The following ZNF611 variants were observed in gnomAD, a reference collection of about 807,000 sequenced individuals.
ZNF611 encodes the protein zinc finger protein 611.
ZNF611 carries 6 observed loss-of-function variants against 8.9 expected under a neutral mutation model. That is an observed-to-expected ratio of 0.68 (90% confidence interval 0.37 to 1.34). The LOEUF (loss-of-function observed/expected upper bound fraction) is 1.34. ZNF611 is among the 40% of genes most tolerant of loss of function. ZNF611 has a pLI of 0.02. For missense variants in ZNF611, 874 were observed against 841.3 expected, an observed-to-expected ratio of 1.04 and a Z score of -0.48; for synonymous variants, 262 against 279.7, an observed-to-expected ratio of 0.94 and a Z score of 0.63.
chr19:52,712,373 AT>A (rs1280388401), intron 5 of ZNF611, among the ~76,000 whole-genome samples: 3 of 143,502 alleles, frequency 2.1e-5, no homozygotes, highest in African/African-American at 7.7e-5. Context: ...ATCCCAGCTC[AT>A]TAGGAAGACG....
intron 2 of ZNF611, 88 bp downstream of exon 2, chr19:52,729,818 A>C (rs553983846): frequency 6.6e-6 from 1 of 152,324 alleles, no homozygotes; most frequent in Admixed American, 6.5e-5. Context: ...ACACAATATA[A>C]GAATTGAAAT....
At chr19:52,733,744 CT>C (rs1361982569) in intron 1 of ZNF611, among the ~76,000 whole-genome samples, 2 of 151,820 alleles carry the variant, frequency 1.3e-5, no homozygotes, top group African/African-American at 4.8e-5. Flanking sequence ...TCCTCTCCTG[CT>C]ATTCATCCCC....
At chr19:52,711,512 T>C (rs1322307094) in intron 5 of ZNF611, among the ~76,000 whole-genome samples, 3 of 152,114 alleles carry the variant, frequency 2.0e-5, no homozygotes, top group African/African-American at 7.2e-5. Flanking sequence ...GACATGTTCT[T>C]AGGCACAATA....
chr19:52,715,719 C>T (rs768286081), intron 4 of ZNF611, 113 bp downstream of exon 4: 31 of 1,516,786 alleles, frequency 2.0e-5, no homozygotes, highest in South Asian at 7.3e-5. Flanking sequence ...TGGGTGAGTG[C>T]GAGTGAACGT....
Position 52,709,650 on chromosome 19 carries a change from C to T in ZNF611, c.191-2786G>A, listed in dbSNP as rs544902734. ...TAGCGTGATCTAGGATCACCACAAC[C>T]ACCGCCTCGCAGGTTCAAGCGATTC... On this transcript the variant is annotated intron_variant, in intron 5 of 5. Coordinates refer to ENST00000652185, the MANE Select transcript of ZNF611 (RefSeq NM_001161499.2). 2.6e-5 allele frequency among the ~76,000 whole-genome samples: 4 copies of T among 151,874 alleles called. No homozygotes were observed. The East Asian group carries it at 7.8e-4, about 30-fold the overall frequency.
chr19:52,724,961 C>T (rs1017285244), intron 3 of ZNF611, among the ~76,000 whole-genome samples: 1 of 152,146 alleles, frequency 6.6e-6, no homozygotes, highest in Non-Finnish European at 1.5e-5. Context: ...GCAAATTTCT[C>T]ACCCATCCTC....
chr19:52,723,560 T>C (rs1056486375), intron 3 of ZNF611: 3 of 152,210 alleles, frequency 2.0e-5, no homozygotes, highest in Non-Finnish European at 2.9e-5. Context: ...CTGGTCCTTA[T>C]TGAAGGGGGC....
rs1301337295 is a variant in ZNF611 at position 52,704,233 on chromosome 19, T to C, written c.*704A>G. The C allele has an allele frequency of 9.2e-6, 4 of 433,992 alleles. No individual in the cohort carries two copies. Among genetic ancestry groups the C allele is most frequent in the African/African-American group, 2.1e-5 (1 of 48,602 alleles). The allele number at this position is 433,992 out of a possible 1,614,324, so 26.9% of individuals were successfully genotyped here. A position where few individuals can be genotyped will look rare whatever the true frequency, so the allele number is the denominator to read the frequency against. On this transcript the variant is annotated 3_prime_UTR_variant, in exon 6 of 6. Transcript: ENST00000652185. ...AATGCTGAATTGACTCCAATGTCAATTAATGCTTGATGGTTTGCTATACTC... is the reference window on the plus strand; with the variant it reads ...AATGCTGAATTGACTCCAATGTCAACTAATGCTTGATGGTTTGCTATACTC...
Position 52,720,137 on chromosome 19 carries a change from C to T in ZNF611, c.-19-4224G>A, listed in dbSNP as rs2062345376. On this transcript the variant is annotated intron_variant, in intron 3 of 5. Transcript: ENST00000652185. Reference sequence around the variant, plus strand: ...CAAGGCAGAAGAATTTTTCTTAGTACAGAACAAAATAGAGTCTCCTATGTC... The same window carrying T: ...CAAGGCAGAAGAATTTTTCTTAGTATAGAACAAAATAGAGTCTCCTATGTC... 2.6e-5 allele frequency among the ~76,000 whole-genome samples: 4 copies of T among 152,324 alleles called. No homozygotes were observed. The South Asian group carries it at 8.3e-4, about 32-fold the overall frequency.
rs772112947 is a variant in ZNF611 at position 52,706,873 on chromosome 19, T to C, written c.191-9A>G. 1 of 1,605,540 alleles carries C rather than the reference T, an allele frequency of 6.2e-7. No individual in the cohort carries two copies. The highest frequency in any genetic ancestry group is 8.5e-7 in the Non-Finnish European group (1 of 1,176,956). Reference sequence around the variant, plus strand: ...GCATTTGGAAGAGATATCTACAAAATATAAACACCAATACATTTCCAATTA... The same window carrying C: ...GCATTTGGAAGAGATATCTACAAAACATAAACACCAATACATTTCCAATTA... On this transcript the variant is annotated splice_polypyrimidine_tract_variant and intron_variant, in intron 5 of 5. Transcript: ENST00000652185.
At position 52,704,940 on chromosome 19, in the gene ZNF611, A is replaced by G; in HGVS notation, c.2115T>C (p.Pro705=). The G allele has an allele frequency of 6.2e-7, 1 of 1,613,884 alleles. No individual in the cohort carries two copies. Among genetic ancestry groups the G allele is most frequent in the Non-Finnish European group, 8.5e-7 (1 of 1,179,926 alleles). The change falls in exon 6 of 6, where the codon CCT becomes CCC. Residue 705 remains proline, a synonymous_variant. Coordinates refer to ENST00000652185, the MANE Select transcript of ZNF611 (RefSeq NM_001161499.2). ...CTTTGTCACATGCTTCACATTTCTAAGGTTTCTCTCCAGTATGAATTCTAT... is the reference window on the plus strand; with the variant it reads ...CTTTGTCACATGCTTCACATTTCTAGGGTTTCTCTCCAGTATGAATTCTAT... ...RHHRIHTGEK[P]
intron 1 of ZNF611, among the ~76,000 whole-genome samples, chr19:52,730,824 T>C (rs1363403235): frequency 6.6e-6 from 1 of 152,090 alleles, no homozygotes; most frequent in African/African-American, 2.4e-5. Flanking sequence ...CCTCAGGTGA[T>C]TCACCCGCAT....
chr19:52,735,011 T>A lies in ZNF611; in HGVS notation c.-232A>T, dbSNP rs556336057. The A allele has an allele frequency of 6.5e-6, 1 of 153,152 alleles. No individual in the cohort carries two copies. Among genetic ancestry groups the A allele is most frequent in the East Asian group, 1.9e-4 (1 of 5,158 alleles). The allele number at this position is 153,152 out of a possible 1,614,324, so 9.5% of individuals were successfully genotyped here. On this transcript the variant is annotated 5_prime_UTR_variant, in exon 1 of 6. Coordinates refer to ENST00000652185, the MANE Select transcript of ZNF611 (RefSeq NM_001161499.2). ...CAGAGCAAAACTCACCGCGGCGATATGACCTACACTCCACCCGATCCGCTT... is the reference window on the plus strand; with the variant it reads ...CAGAGCAAAACTCACCGCGGCGATAAGACCTACACTCCACCCGATCCGCTT...
At chr19:52,706,892 C>G (rs1325179185) in intron 5 of ZNF611, 28 bp from the exon 6 acceptor site, 2 of 1,591,996 alleles carry the variant, frequency 1.3e-6, no homozygotes, top group Non-Finnish European at 1.7e-6. Flanking sequence ...CAATACATTT[C>G]CAATTAAGTA....
chr19:52,718,681 A>G (rs1158222729), intron 3 of ZNF611, among the ~76,000 whole-genome samples: 1 of 150,534 alleles, frequency 6.6e-6, no homozygotes, highest in African/African-American at 2.4e-5. Context: ...GCCTCTAATC[A>G]TAACTACTCA....
At chr19:52,707,252 TAA>T (rs59927537) in intron 5 of ZNF611, 32 of 99,972 alleles carry the variant, frequency 3.2e-4, no homozygotes, top group South Asian at 6.3e-4. Context: ...AAATAAATGC[TAA>T]AAAAAAAAAA....
chr19:52,727,267 G>C (rs1231699086), intron 3 of ZNF611, among the ~76,000 whole-genome samples: 2 of 141,544 alleles, frequency 1.4e-5, no homozygotes, highest in Non-Finnish European at 2.9e-5. Flanking sequence ...TGATAATAGA[G>C]AAAGAAAGAA....
chr19:52,726,363 T>A (rs555665646), intron 3 of ZNF611, among the ~76,000 whole-genome samples: 31 of 152,320 alleles, frequency 2.0e-4, no homozygotes, highest in Non-Finnish European at 1.6e-4. Flanking sequence ...TAACACCCCC[T>A]CCCGCAGTGC....
chr19:52,714,213 T>C, intron 4 of ZNF611, 72 bp from the exon 5 acceptor site: 1 of 1,578,658 alleles, frequency 6.3e-7, no homozygotes, highest in East Asian at 2.3e-5. Flanking sequence ...AAATGAGAAA[T>C]GAGAAAATAA....
Sources: allele counts gnomAD v4.1 joint callset (sites outside exome capture counted in the v4.1 genomes callset), GRCh38; gene constraint gnomAD v4.1.1; transcripts MANE v1.5; gene names NCBI Gene and HGNC (gene_info 2026-07-23, HGNC 2026-07-21).